The following TTC7A variants were observed in gnomAD, a reference collection of about 807,000 sequenced individuals.
The protein encoded by TTC7A is tetratricopeptide repeat domain 7A.
A neutral mutation model predicts 103.7 loss-of-function variants in TTC7A; 110 were observed. That is an observed-to-expected ratio of 1.06 (90% CI 0.91 to 1.24). The LOEUF is 1.24. TTC7A is among the 50% of genes most tolerant of loss of function. The pLI, the probability that TTC7A is intolerant of heterozygous loss-of-function variation, is 0.00. For missense variants in TTC7A, 1,340 were observed against 1,116.3 expected (o/e 1.20, Z -2.86); for synonymous variants, 521 against 467.9 (o/e 1.11, Z -1.47).
At chr2:47,072,920 C>T (rs552919207) in intron 19 of TTC7A, among the ~76,000 whole-genome samples, 2 of 152,122 alleles carry the variant, frequency 1.3e-5, no homozygotes, top group Non-Finnish European at 2.9e-5. Flanking sequence ...CCAGCCTCTT[C>T]TTATGACTAT....
At chr2:46,960,957 G>T (rs1336271729) in intron 3 of TTC7A, among the ~76,000 whole-genome samples, 2 of 152,240 alleles carry the variant, frequency 1.3e-5, no homozygotes, top group African/African-American at 2.4e-5. Context: ...CTTGGCATTT[G>T]CTTTCCCAGG....
chr2:46,931,247 T>TAAA, intron 2 of TTC7A, among the ~76,000 whole-genome samples: 1 of 152,290 alleles, frequency 6.6e-6, no homozygotes, highest in South Asian at 2.1e-4. Context: ...CCTAGCTAAT[T>TAAA]AAAAAAAATT....
chr2:47,013,288 G>A (rs1678274047), intron 11 of TTC7A, among the ~76,000 whole-genome samples: 1 of 152,146 alleles, frequency 6.6e-6, no homozygotes. Flanking sequence ...AGGTCTTTTG[G>A]GGAAGACAGT....
At chr2:47,012,633 A>G (rs1213587897) in intron 11 of TTC7A, among the ~76,000 whole-genome samples, 3 of 152,088 alleles carry the variant, frequency 2.0e-5, no homozygotes, top group Non-Finnish European at 4.4e-5. Flanking sequence ...CTGGGGAGGG[A>G]GGCAATGAGC....
chr2:47,030,797 GT>G (rs1201079614), intron 15 of TTC7A, among the ~76,000 whole-genome samples: 1 of 152,184 alleles, frequency 6.6e-6, no homozygotes, highest in Non-Finnish European at 1.5e-5. Context: ...GACACAGCCT[GT>G]CTTTTATGTT....
At chr2:46,990,228 T>C (rs1675489039) in intron 5 of TTC7A, among the ~76,000 whole-genome samples, 1 of 152,252 alleles carries the variant, frequency 6.6e-6, no homozygotes. Context: ...TGCTGCAGTC[T>C]GTCTTTTTCC....
intron 8 of TTC7A, among the ~76,000 whole-genome samples, chr2:47,003,924 A>T (rs571449591): frequency 3.3e-4 from 50 of 152,298 alleles, no homozygotes; most frequent in African/African-American, 1.1e-3. Context: ...CGAGGGCTGT[A>T]TTCCTAGTTG....
Position 46,978,813 on chromosome 2 carries a change from A to G in TTC7A, c.670A>G (p.Arg224Gly), listed in dbSNP as rs1674135033. The G allele has an allele frequency of 6.2e-7, 1 of 1,613,996 alleles. No individual in the cohort carries two copies. The highest frequency in any genetic ancestry group is 8.5e-7 in the Non-Finnish European group (1 of 1,179,964). The change falls in exon 5 of 20, where the codon AGG (arginine) becomes GGG (glycine). Residue 224 changes from arginine (R) to glycine (G), a missense_variant. Coordinates refer to ENST00000319190, the MANE Select transcript of TTC7A (RefSeq NM_020458.4). ...CCAGACCACAAATAACAGCACGTCG[A>G]GGCATCTGAAAGGCTGTCACCCGCT... The part of the protein sequence containing the change: ...LEKTTNNSTS[R>G]HLKGCHPLDY...
chr2:47,038,381 T>C (rs1681362650), intron 15 of TTC7A, among the ~76,000 whole-genome samples: 1 of 152,184 alleles, frequency 6.6e-6, no homozygotes, highest in South Asian at 2.1e-4. Context: ...TGAGTCCGAC[T>C]TGGTGCAGCC....
At chr2:46,979,596 G>A (rs1674235595) in intron 5 of TTC7A, among the ~76,000 whole-genome samples, 2 of 152,180 alleles carry the variant, frequency 1.3e-5, no homozygotes, top group Non-Finnish European at 2.9e-5. Flanking sequence ...TAGTCGAGGG[G>A]GTGGCTGGTG....
At chr2:46,972,213 C>G (rs1673429630) in intron 3 of TTC7A, among the ~76,000 whole-genome samples, 1 of 151,604 alleles carries the variant, frequency 6.6e-6, no homozygotes, top group African/African-American at 2.4e-5. Flanking sequence ...AAAAAAGTAA[C>G]CTGACGCAAA....
chr2:46,949,595 C>CG (rs958067936), intron 1 of TTC7A, among the ~76,000 whole-genome samples: 1 of 152,126 alleles, frequency 6.6e-6, no homozygotes, highest in African/African-American at 2.4e-5. Flanking sequence ...CCCTCATTTG[C>CG]GGGTATACCC....
chr2:47,036,246 C>G (rs1261728177), intron 15 of TTC7A, among the ~76,000 whole-genome samples: 1 of 152,138 alleles, frequency 6.6e-6, no homozygotes, highest in South Asian at 2.1e-4. Flanking sequence ...GCCCTGGGGC[C>G]CTTCACCAGG....
chr2:46,977,535 C>T (rs1457337798), intron 4 of TTC7A, among the ~76,000 whole-genome samples: 1 of 152,156 alleles, frequency 6.6e-6, no homozygotes, highest in East Asian at 1.9e-4. Context: ...TTCCTGGAAC[C>T]AGAGGGCTCT....
Position 47,074,155 on chromosome 2 carries a change from A to G in TTC7A, c.*232A>G. ...TGACTTGAACCCTAAGTGCCTTTGG[A>G]GAGTTTTGTGGTGACCAGACTTGCT... On this transcript the variant is annotated 3_prime_UTR_variant, in exon 20 of 20. Transcript: ENST00000319190. 1.8e-6 allele frequency: 1 copy of G among 569,948 alleles called. No homozygotes were observed. Among genetic ancestry groups the G allele is most frequent in the Non-Finnish European group, 3.1e-6 (1 of 318,656 alleles). The allele number at this position is 569,948 out of a possible 1,614,324, so 35.3% of individuals were successfully genotyped here. A position where few individuals can be genotyped will look rare whatever the true frequency, so the allele number is the denominator to read the frequency against.
chr2:47,074,067 G>A lies in TTC7A; in HGVS notation c.*144G>A, dbSNP rs145921863. On this transcript the variant is annotated 3_prime_UTR_variant, in exon 20 of 20. Transcript: ENST00000319190. Reference sequence around the variant, plus strand: ...GAACGCCTCTGCAGCTGCAGCCCTCGTTCTCTTGGCTGGGCCAAGAGGGCC... The same window carrying A: ...GAACGCCTCTGCAGCTGCAGCCCTCATTCTCTTGGCTGGGCCAAGAGGGCC... 275 of 652,036 alleles carry A rather than the reference G, an allele frequency of 4.2e-4. 1 individual carries two copies. The East Asian group carries it at 6.2e-3, about 15-fold the overall frequency. 40.4% of individuals were successfully genotyped at this position (652,036 alleles called of 1,614,324 possible).
At chr2:46,985,352 C>G (rs868343488) in intron 5 of TTC7A, among the ~76,000 whole-genome samples, 1 of 152,160 alleles carries the variant, frequency 6.6e-6, no homozygotes, top group African/African-American at 2.4e-5. Flanking sequence ...AAAGTCTTGG[C>G]GTGTAAGTAG....
chr2:46,973,973 A>C (rs540258271), intron 3 of TTC7A, among the ~76,000 whole-genome samples: 1 of 152,200 alleles, frequency 6.6e-6, no homozygotes, highest in Non-Finnish European at 1.5e-5. Flanking sequence ...CCTGGAGTCC[A>C]GTAGCCAGGA....
chr2:46,988,154 C>T (rs1047373952), intron 5 of TTC7A, among the ~76,000 whole-genome samples: 2 of 152,162 alleles, frequency 1.3e-5, no homozygotes, highest in African/African-American at 4.8e-5. Context: ...AATGCACAGC[C>T]TTTGTCTACT....
Sources: allele counts gnomAD v4.1 joint callset (sites outside exome capture counted in the v4.1 genomes callset), GRCh38; gene constraint gnomAD v4.1.1; transcripts MANE v1.5; gene names NCBI Gene and HGNC (gene_info 2026-07-23, HGNC 2026-07-21).